Variants in KCNB2 observed in about 807,000 individuals in gnomAD.
The protein encoded by KCNB2 is delayed rectifier potassium channel protein.
In KCNB2, 15 loss-of-function variants were observed where a neutral mutation model predicts 61.5. That is an observed-to-expected ratio of 0.24 (90% CI 0.16 to 0.38). KCNB2 has a LOEUF of 0.38. KCNB2 is among the 10% of genes least tolerant of loss of function. The pLI is 1.00. For missense variants in KCNB2, 828 were observed against 1,125.2 expected, an observed-to-expected ratio of 0.74 and a Z score of 3.78; for synonymous variants, 457 against 446.0, an observed-to-expected ratio of 1.02 and a Z score of -0.31.
At chr8:72,791,330 A>G (rs1040222755) in intron 2 of KCNB2, among the ~76,000 whole-genome samples, 2 of 152,164 alleles carry the variant, frequency 1.3e-5, no homozygotes, top group African/African-American at 4.8e-5. Context: ...TAGGTGGATC[A>G]CTTGAAGCCA....
chr8:72,558,663 C>A (rs376338302), intron 1 of KCNB2, among the ~76,000 whole-genome samples: 2 of 152,228 alleles, frequency 1.3e-5, no homozygotes, highest in East Asian at 1.9e-4. Flanking sequence ...ATTTATTGCA[C>A]GTCACTTGGG....
At chr8:72,766,771 T>A (rs1173395853) in intron 2 of KCNB2, among the ~76,000 whole-genome samples, 1 of 152,186 alleles carries the variant, frequency 6.6e-6, no homozygotes, top group Non-Finnish European at 1.5e-5. Flanking sequence ...GCTAAGAAGA[T>A]CTATAAGGAG....
intron 1 of KCNB2, among the ~76,000 whole-genome samples, chr8:72,539,292 T>G (rs966627518): frequency 1.5e-4 from 23 of 152,210 alleles, no homozygotes; most frequent in Admixed American, 3.9e-4. Flanking sequence ...CTTACTTGTG[T>G]GATTGCATGG....
intron 2 of KCNB2, among the ~76,000 whole-genome samples, chr8:72,622,888 A>C (rs1805734030): frequency 6.6e-6 from 1 of 152,106 alleles, no homozygotes; most frequent in South Asian, 2.1e-4. Context: ...AGACACCAGC[A>C]CTTCTGTTTG....
chr8:72,637,274 T>TA (rs1372830787), intron 2 of KCNB2, among the ~76,000 whole-genome samples: 24 of 152,200 alleles, frequency 1.6e-4, no homozygotes, highest in Non-Finnish European at 1.5e-5. Flanking sequence ...GTTCTACTCT[T>TA]AAAAAACCTG....
intron 2 of KCNB2, among the ~76,000 whole-genome samples, chr8:72,786,102 A>G (rs116234369): frequency 2.0e-4 from 31 of 151,944 alleles, no homozygotes; most frequent in African/African-American, 7.0e-4. Context: ...CACATTTAGT[A>G]TGCTCACTGC....
chr8:72,900,853 G>A lies in KCNB2; in HGVS notation c.580-35082G>A, dbSNP rs180732886. Among the ~76,000 whole-genome samples, 9 of 152,186 alleles carry A rather than the reference G, an allele frequency of 5.9e-5. No homozygotes were observed. In the East Asian group the frequency reaches 1.4e-3, roughly 23 times the overall value. ...AAAAGTCAAATATTAACCAATATTAGGAAGGCTGAAGAGAAAAAGGAACAC... is the reference window on the plus strand; with the variant it reads ...AAAAGTCAAATATTAACCAATATTAAGAAGGCTGAAGAGAAAAAGGAACAC... On this transcript the variant is annotated intron_variant, in intron 2 of 2. Transcript: ENST00000523207.
chr8:72,695,491 T>G (rs1182234825), intron 2 of KCNB2, among the ~76,000 whole-genome samples: 1 of 152,178 alleles, frequency 6.6e-6, no homozygotes, highest in Non-Finnish European at 1.5e-5. Flanking sequence ...CTATGACAAA[T>G]GCTATCCAAG....
In KCNB2 at chr8:72,567,908, G is replaced by A; in HGVS notation, c.174G>A (p.Arg58=). The change falls in exon 2 of 3, where the codon AGG becomes AGA. Residue 58 remains arginine (R), a synonymous_variant. Coordinates refer to ENST00000523207, the MANE Select transcript of KCNB2 (RefSeq NM_004770.3). Reference sequence around the variant, plus strand: ...GGAGAACGCTGGACAGGCTGCCCAGGACGCGCCTGGGGAAGCTTCGAGACT... The same window carrying A: ...GGAGAACGCTGGACAGGCTGCCCAGAACGCGCCTGGGGAAGCTTCGAGACT... The part of the protein sequence containing the change: ...VLWRTLDRLP[R]TRLGKLRDCN... 6.2e-7 allele frequency: 1 copy of A among 1,614,012 alleles called. No individual in the cohort carries two copies. The highest frequency in any genetic ancestry group is 1.7e-5 in the Admixed American group (1 of 60,008).
intron 2 of KCNB2, among the ~76,000 whole-genome samples, chr8:72,688,388 A>G (rs1291337141): frequency 6.6e-6 from 1 of 151,882 alleles, no homozygotes; most frequent in Non-Finnish European, 1.5e-5. Flanking sequence ...GGGTTTTTCC[A>G]CTGGAATGCC....
intron 2 of KCNB2, among the ~76,000 whole-genome samples, chr8:72,674,035 G>T (rs943344722): frequency 6.6e-6 from 1 of 152,138 alleles, no homozygotes; most frequent in African/African-American, 2.4e-5. Flanking sequence ...ACCTTCCATG[G>T]TCATTGTGGG....
chr8:72,936,197 T>C lies in KCNB2; in HGVS notation c.842T>C (p.Ile281Thr). Residue 281 changes from isoleucine to threonine, a missense_variant, in exon 3 of 3, where the codon ATT becomes ACT. Transcript: ENST00000523207. This position sits in a 1 kb window ranked among gnomAD's most constrained non-coding sequence, Gnocchi z 5.6. ...GCCATCTTGCCGTACTATGTCACCA[T>C]TTTTCTGACGGAGTCCAACAAGAGC... ...LLAILPYYVTIFLTESNKSVL... is the reference protein window; with the variant it reads ...LLAILPYYVTTFLTESNKSVL... The C allele has an allele frequency of 6.2e-7, 1 of 1,614,200 alleles. No individual in the cohort carries two copies. Among genetic ancestry groups the C allele is most frequent in the Admixed American group, 1.7e-5 (1 of 60,030 alleles).
intron 2 of KCNB2, among the ~76,000 whole-genome samples, chr8:72,845,118 G>A (rs7011958): frequency 0.013 from 2,052 of 152,236 alleles, 51 homozygotes; most frequent in African/African-American, 0.047. Context: ...TTTGGATGGG[G>A]TTTTTGTGTG....
chr8:72,581,711 G>A (rs1306381171), intron 2 of KCNB2, among the ~76,000 whole-genome samples: 1 of 152,208 alleles, frequency 6.6e-6, no homozygotes, highest in Non-Finnish European at 1.5e-5. Context: ...ACAGATGTGG[G>A]TTTTACATTT....
chr8:72,860,562 C>T (rs1403827767), intron 2 of KCNB2, among the ~76,000 whole-genome samples: 1 of 152,196 alleles, frequency 6.6e-6, no homozygotes, highest in African/African-American at 2.4e-5. Context: ...TCAAATAAAC[C>T]ATTGGCTTTT....
chr8:72,578,445 T>C (rs1409612329), intron 2 of KCNB2, among the ~76,000 whole-genome samples: 2 of 152,212 alleles, frequency 1.3e-5, no homozygotes, highest in Non-Finnish European at 1.5e-5. Flanking sequence ...CACTTTATTA[T>C]ATTTCTTAAA....
chr8:72,923,440 T>C (rs1806566025), intron 2 of KCNB2, among the ~76,000 whole-genome samples: 1 of 152,204 alleles, frequency 6.6e-6, no homozygotes, highest in East Asian at 1.9e-4. Flanking sequence ...TGTTGGTATC[T>C]TACTGCTACA....
chr8:72,692,068 C>T (rs571897130), intron 2 of KCNB2, among the ~76,000 whole-genome samples: 1 of 151,906 alleles, frequency 6.6e-6, no homozygotes, highest in South Asian at 2.1e-4. Context: ...AACCCTGTCT[C>T]TACTAAAAAT....
intron 2 of KCNB2, among the ~76,000 whole-genome samples, chr8:72,656,403 TTACTC>T (rs1234783345): frequency 2.6e-5 from 4 of 152,150 alleles, no homozygotes; most frequent in African/African-American, 9.6e-5. Flanking sequence ...AGAAACCTGT[TTACTC>T]TATGGCTTAT....
Sources: gnomAD v4.1 joint callset for allele counts (sites outside exome capture counted in the v4.1 genomes callset) on GRCh38, gnomAD v4.1.1 for gene constraint, Gnocchi (gnomAD v3.1) non-coding constraint, MANE v1.5 for transcripts, NCBI Gene and HGNC (gene_info 2026-07-23, HGNC 2026-07-21) for gene names.